TMEM114: variants seen among roughly 807,000 people sequenced by gnomAD.
TMEM114 encodes claudin-26.
In TMEM114, 6 loss-of-function variants were observed where a neutral mutation model predicts 6.2. The observed-to-expected ratio is 0.97, with a 90% CI of 0.53 to 1.91. The LOEUF (loss-of-function observed/expected upper bound fraction) is 1.91. TMEM114 is among the 40% of genes most tolerant of loss of function. The pLI is 0.01. For synonymous variants in TMEM114, 104 were observed against 73.0 expected (o/e 1.42, Z -2.16); for missense variants, 218 against 158.3 (o/e 1.38, Z -2.02).
At chr16:8,553,561 C>G (rs75805752) in intron 2 of TMEM114, among the ~76,000 whole-genome samples, 46,746 of 151,966 alleles carry the variant, frequency 0.31, 7,459 homozygotes, top group East Asian at 0.37. Flanking sequence ...TCTCGACTCA[C>G]TGCAAGCTCC....
intron 2 of TMEM114, among the ~76,000 whole-genome samples, chr16:8,554,665 C>A (rs1267553666): frequency 1.4e-5 from 2 of 142,316 alleles, no homozygotes; most frequent in African/African-American, 5.3e-5. Flanking sequence ...TTAATTAAGC[C>A]CAAGGAGTGA....
chr16:8,583,717 C>T (rs1902226387), intron 2 of TMEM114, among the ~76,000 whole-genome samples: 1 of 151,702 alleles, frequency 6.6e-6, no homozygotes, highest in Non-Finnish European at 1.5e-5. Flanking sequence ...TACTACACTG[C>T]AGCCTGGGCA....
intron 2 of TMEM114, among the ~76,000 whole-genome samples, chr16:8,560,921 G>A (rs1487385854): frequency 1.3e-5 from 2 of 152,154 alleles, no homozygotes; most frequent in Non-Finnish European, 2.9e-5. Context: ...CACGTGGCTG[G>A]GGAGGCCTCA....
intron 2 of TMEM114, among the ~76,000 whole-genome samples, chr16:8,562,930 G>A (rs971838835): frequency 2.1e-5 from 2 of 96,120 alleles, no homozygotes; most frequent in Non-Finnish European, 4.7e-5. Flanking sequence ...ATGAGTGAGT[G>A]AGTGAATTAG....
At chr16:8,574,124 A>G (rs1901833982) in intron 2 of TMEM114, among the ~76,000 whole-genome samples, 1 of 152,204 alleles carries the variant, frequency 6.6e-6, no homozygotes, top group Admixed American at 6.5e-5. Context: ...GCGATGAAGA[A>G]TATAGACGTC....
chr16:8,548,473 AC>A (rs1900741664), intron 2 of TMEM114, among the ~76,000 whole-genome samples: 1 of 152,040 alleles, frequency 6.6e-6, no homozygotes, highest in South Asian at 2.1e-4. Context: ...AGTCTTTTAA[AC>A]TTTTTTTCCT....
intron 2 of TMEM114, among the ~76,000 whole-genome samples, chr16:8,562,497 T>A (rs1901280106): frequency 6.7e-6 from 1 of 149,928 alleles, no homozygotes; most frequent in Non-Finnish European, 1.5e-5. Flanking sequence ...AGTATGTGAA[T>A]GAGTAAATGA....
At chr16:8,545,052 G>C (rs757094391) in intron 2 of TMEM114, among the ~76,000 whole-genome samples, 1 of 152,030 alleles carries the variant, frequency 6.6e-6, no homozygotes, top group Non-Finnish European at 1.5e-5. Flanking sequence ...TGTTTTATCA[G>C]ATGGTCTTGT....
intron 2 of TMEM114, among the ~76,000 whole-genome samples, chr16:8,579,195 G>A (rs527255266): frequency 6.6e-6 from 1 of 152,294 alleles, no homozygotes; most frequent in African/African-American, 2.4e-5. Context: ...CTGCTCAGTG[G>A]GGAAAGCAGT....
the TMEM114 span, among the ~76,000 whole-genome samples, chr16:8,531,605 G>T: frequency 2.1e-3 from 320 of 152,302 alleles, 2 homozygotes; most frequent in Non-Finnish European, 3.7e-3. Context: ...CAGGAACCCC[G>T]TCTGAGACCA....
At chr16:8,531,344 C>G in the TMEM114 span, among the ~76,000 whole-genome samples, 1 of 152,150 alleles carries the variant, frequency 6.6e-6, no homozygotes, top group Non-Finnish European at 1.5e-5. Flanking sequence ...TTCATTAATG[C>G]CTAAAACCAC....
intron 2 of TMEM114, among the ~76,000 whole-genome samples, chr16:8,587,267 T>C (rs956400284): frequency 2.1e-4 from 32 of 152,252 alleles, no homozygotes; most frequent in African/African-American, 7.2e-4. Flanking sequence ...CAATATAATA[T>C]AATTTGCATT....
intron 2 of TMEM114, among the ~76,000 whole-genome samples, chr16:8,543,283 A>C (rs886934098): frequency 1.3e-5 from 2 of 152,138 alleles, no homozygotes; most frequent in African/African-American, 4.8e-5. Flanking sequence ...TTTTCTATTT[A>C]AATTATTTTA....
intron 2 of TMEM114, among the ~76,000 whole-genome samples, chr16:8,553,119 G>C (rs900129185): frequency 1.3e-5 from 2 of 152,200 alleles, no homozygotes; most frequent in African/African-American, 4.8e-5. Flanking sequence ...CCAGGATGGA[G>C]ATGACAGGAG....
chr16:8,563,077 G>C, intron 2 of TMEM114, among the ~76,000 whole-genome samples: 1 of 146,488 alleles, frequency 6.8e-6, no homozygotes, highest in Non-Finnish European at 1.5e-5. Flanking sequence ...GAATGAGTAA[G>C]TGAATGAGTG....
intron 2 of TMEM114, among the ~76,000 whole-genome samples, chr16:8,581,877 C>T (rs1902163202): frequency 6.6e-6 from 1 of 152,220 alleles, no homozygotes; most frequent in African/African-American, 2.4e-5. Flanking sequence ...TGAAGATCCA[C>T]AGGCACCTGC....
intron 2 of TMEM114, among the ~76,000 whole-genome samples, chr16:8,572,542 C>G (rs1901772088): frequency 6.6e-6 from 1 of 152,174 alleles, no homozygotes. Flanking sequence ...CTTAAGGAAA[C>G]CTTTCACCTA....
intron 2 of TMEM114, among the ~76,000 whole-genome samples, chr16:8,553,876 T>G (rs1477368814): frequency 6.6e-6 from 1 of 150,920 alleles, no homozygotes; most frequent in Non-Finnish European, 1.5e-5. Flanking sequence ...TTTTTTCCTT[T>G]TCTTTTTTTT....
chr16:8,551,908 A>C (rs1900856090), intron 2 of TMEM114, among the ~76,000 whole-genome samples: 1 of 152,248 alleles, frequency 6.6e-6, no homozygotes. Context: ...ACTACTCAGC[A>C]ATGAAAAGGA....
Sources: allele counts gnomAD v4.1 joint callset (sites outside exome capture counted in the v4.1 genomes callset), GRCh38; gene constraint gnomAD v4.1.1; transcripts MANE v1.5; gene names NCBI Gene and HGNC (gene_info 2026-07-23, HGNC 2026-07-21).